The following CFAP92 variants were observed in gnomAD, a reference collection of about 807,000 sequenced individuals.
CFAP92 encodes cilia and flagella associated protein 92 (putative), also known as uncharacterized protein CFAP92.
A neutral mutation model predicts 106.3 loss-of-function variants in CFAP92; 86 were observed. That is an observed-to-expected ratio of 0.81 (90% CI 0.68 to 0.97). The LOEUF (loss-of-function observed/expected upper bound fraction) is 0.97. CFAP92 is among the 50% of genes least tolerant of loss of function. The probability of loss-of-function intolerance (pLI) is 0.00; values close to 1 mark genes in which losing one functional copy is unlikely to be tolerated. For missense variants in CFAP92, 1,204 were observed against 1,283.8 expected (o/e 0.94, Z 0.95); for synonymous variants, 477 against 506.4 (o/e 0.94, Z 0.78).
chr3:128,910,400 G>C (rs915547756), intron 15 of CFAP92, 67 bp from the exon 16 acceptor site: 7 of 1,409,226 alleles, frequency 5.0e-6, no homozygotes, highest in African/African-American at 1.4e-5. Context: ...GCAAGGGACA[G>C]ACCCTGCACA....
intron 7 of CFAP92, 23 bp from the exon 8 acceptor site, chr3:128,971,456 T>C (rs1201847751): frequency 6.4e-7 from 1 of 1,558,218 alleles, no homozygotes; most frequent in Non-Finnish European, 8.7e-7. Context: ...ACAAAGGAGA[T>C]GAGCATTAAG....
intron 9 of CFAP92, among the ~76,000 whole-genome samples, chr3:128,958,489 T>C (rs1054106748): frequency 2.6e-5 from 4 of 152,148 alleles, no homozygotes; most frequent in Admixed American, 6.5e-5. Flanking sequence ...ACTGAGGAAA[T>C]TGGACAAAGG....
intron 2 of CFAP92, among the ~76,000 whole-genome samples, chr3:128,990,921 T>C (rs1048073488): frequency 1.3e-5 from 2 of 151,956 alleles, no homozygotes. Context: ...AAATAATTTA[T>C]ATAAAGAAAC....
intron 4 of CFAP92, among the ~76,000 whole-genome samples, chr3:128,979,408 A>T (rs554601883): frequency 6.6e-6 from 1 of 152,338 alleles, no homozygotes; most frequent in African/African-American, 2.4e-5. Context: ...GGGATCTAGA[A>T]CTAGAAATAC....
intron 9 of CFAP92, among the ~76,000 whole-genome samples, chr3:128,953,624 CCTCTCCGTCTCCCTCT>C (rs1302996387): frequency 4.0e-5 from 5 of 126,138 alleles, no homozygotes; most frequent in East Asian, 2.3e-4. Context: ...CCTCTCCCTC[CCTCTCCGTCTCCCTCT>C]CCCCACGGTC....
At chr3:128,997,695 G>A (rs901130280), upstream of CFAP92, among the ~76,000 whole-genome samples, 1 of 152,146 alleles carries the variant, frequency 6.6e-6, no homozygotes, top group Admixed American at 6.5e-5. Context: ...ACCACAGTTT[G>A]CCTATCCATT....
the CFAP92 span, among the ~76,000 whole-genome samples, chr3:129,025,280 C>T: frequency 8.4e-3 from 1,284 of 152,000 alleles, 43 homozygotes; most frequent in South Asian, 0.086. Context: ...CAGGGCTCAC[C>T]GGCATTAGGG....
chr3:128,948,759 A>G lies in CFAP92; in HGVS notation c.1354-2784T>C, dbSNP rs181076199. Among the ~76,000 whole-genome samples, 744 of 151,696 alleles carry G rather than the reference A, an allele frequency of 4.9e-3. 7 individuals are homozygous for G. Among genetic ancestry groups the G allele is most frequent in the African/African-American group, 0.017 (709 of 41,358 alleles). On this transcript the variant is annotated intron_variant, in intron 9 of 15. Transcript: ENST00000645291. ...TGGCCAGGCTGGTCTTGAACTCCTG[A>G]CCTCAAGTGATCCGCCCGCCTTAGC...
chr3:128,980,151 G>A (rs1361940935), intron 4 of CFAP92, among the ~76,000 whole-genome samples: 6 of 151,544 alleles, frequency 4.0e-5, no homozygotes, highest in Non-Finnish European at 5.9e-5. Flanking sequence ...TAAGAGGATC[G>A]CTTGAGGCCA....
At chr3:128,992,240 T>G (rs1005633692) in intron 2 of CFAP92, among the ~76,000 whole-genome samples, 4 of 152,204 alleles carry the variant, frequency 2.6e-5, no homozygotes, top group African/African-American at 9.7e-5. Context: ...ACCTTTACAT[T>G]CAGAGATTGA....
At chr3:128,986,496 C>T (rs757516824) in intron 4 of CFAP92, among the ~76,000 whole-genome samples, 1 of 152,144 alleles carries the variant, frequency 6.6e-6, no homozygotes, top group African/African-American at 2.4e-5. Context: ...GCTGGGATTA[C>T]AGGCATGAGC....
chr3:128,942,216 T>C (rs887663055), intron 10 of CFAP92, among the ~76,000 whole-genome samples: 1 of 152,192 alleles, frequency 6.6e-6, no homozygotes, highest in African/African-American at 2.4e-5. Flanking sequence ...AGGGAAAGAA[T>C]ACAGACTAAA....
intron 10 of CFAP92, among the ~76,000 whole-genome samples, chr3:128,938,826 C>T (rs930764580): frequency 2.6e-5 from 4 of 152,028 alleles, no homozygotes; most frequent in South Asian, 2.1e-4. Flanking sequence ...CAGGCCAGTA[C>T]AACAAGGAGA....
At chr3:128,939,190 G>C (rs761548721) in intron 10 of CFAP92, among the ~76,000 whole-genome samples, 3 of 152,102 alleles carry the variant, frequency 2.0e-5, no homozygotes, top group Non-Finnish European at 4.4e-5. Flanking sequence ...CCAGGCTGGA[G>C]TGCAGTGGCG....
chr3:128,933,065 C>T (rs1938576016), intron 11 of CFAP92, 68 bp from the exon 12 acceptor site: 1 of 1,404,842 alleles, frequency 7.1e-7, no homozygotes, highest in African/African-American at 1.4e-5. Context: ...TCACTCCCAT[C>T]CTACAGCAGG....
In CFAP92 at chr3:128,932,920, A is replaced by G; in HGVS notation, c.2531T>C (p.Ile844Thr). The change falls in exon 12 of 16, where the codon ATA becomes ACA. Residue 844 changes from isoleucine to threonine, a missense_variant. Transcript: ENST00000645291. ...CCCAAACTCTTGGCTCAAGTCTTTTATCATAGCAGAGGAGGGCAGCAGGTC... is the reference window on the plus strand; with the variant it reads ...CCCAAACTCTTGGCTCAAGTCTTTTGTCATAGCAGAGGAGGGCAGCAGGTC... ...VRDLLPSSAMIKDLSQEFGMP... is the reference protein window; with the variant it reads ...VRDLLPSSAMTKDLSQEFGMP... 1 of 1,536,154 alleles carries G rather than the reference A, an allele frequency of 6.5e-7. No individual in the cohort carries two copies. Among genetic ancestry groups the G allele is most frequent in the East Asian group, 2.4e-5 (1 of 40,916 alleles).
chr3:128,984,210 G>A (rs1943707873), intron 4 of CFAP92, among the ~76,000 whole-genome samples: 1 of 152,170 alleles, frequency 6.6e-6, no homozygotes, highest in Admixed American at 6.5e-5. Context: ...TGAGTGTGAT[G>A]GTTAATACTA....
At chr3:128,979,075 A>G (rs1943350623) in intron 4 of CFAP92, among the ~76,000 whole-genome samples, 1 of 152,252 alleles carries the variant, frequency 6.6e-6, no homozygotes, top group African/African-American at 2.4e-5. Context: ...TAACATCCAG[A>G]ATCTACAAAG....
intron 12 of CFAP92, among the ~76,000 whole-genome samples, chr3:128,923,354 A>G (rs1269269138): frequency 6.6e-6 from 1 of 152,240 alleles, no homozygotes; most frequent in Non-Finnish European, 1.5e-5. Flanking sequence ...AAAACCACAC[A>G]GGAAGCTGAG....
Sources: gnomAD v4.1 joint callset for allele counts (sites outside exome capture counted in the v4.1 genomes callset) on GRCh38, gnomAD v4.1.1 for gene constraint, MANE v1.5 for transcripts, NCBI Gene and HGNC (gene_info 2026-07-23, HGNC 2026-07-21) for gene names.